The following NLRP4 variants were observed in gnomAD, a reference collection of about 807,000 sequenced individuals.
The protein encoded by NLRP4 is NACHT, LRR and PYD domains-containing protein 4.
In NLRP4, 44 loss-of-function variants were observed where a neutral mutation model predicts 84.7. That is an observed-to-expected ratio of 0.52 (90% confidence interval 0.41 to 0.67). The LOEUF is 0.67. Among genes scored for constraint, NLRP4 ranks in the 30% least tolerant of loss-of-function variants. NLRP4 has a pLI of 0.00. For missense variants in NLRP4, 1,260 were observed against 1,219.4 expected, an observed-to-expected ratio of 1.03 and a Z score of -0.50; for synonymous variants, 544 against 476.4, an observed-to-expected ratio of 1.14 and a Z score of -1.85.
chr19:55,852,559 C>T (rs1984210442), intron 2 of NLRP4, among the ~76,000 whole-genome samples, 199 bp downstream of exon 2: 1 of 151,254 alleles, frequency 6.6e-6, no homozygotes, highest in Admixed American at 6.6e-5. Flanking sequence ...TCACCGCAAC[C>T]TCCACCTCCC....
At chr19:55,859,302 A>T (rs995727835) in intron 3 of NLRP4, 53 bp downstream of exon 3, 18 of 1,473,398 alleles carry the variant, frequency 1.2e-5, no homozygotes, top group Non-Finnish European at 1.6e-5. Flanking sequence ...CTGTATTCCC[A>T]AGTGGGTTTT....
At position 55,870,787 on chromosome 19, in the gene NLRP4, G is replaced by A. The variant is rs764808776; in HGVS notation, c.2355-40G>A. ...TAAGCAAATCTCCCTGAGACACCAC[G>A]TCCCTCTTCACTCTCCTTCTCGTGT... On this transcript the variant is annotated intron_variant, in intron 6 of 9. Transcript: ENST00000301295. The A allele has an allele frequency of 9.3e-6, 14 of 1,501,232 alleles. No homozygotes were observed. The Middle Eastern group carries it at 5.2e-4, about 55-fold the overall frequency. The allele number at this position is 1,501,232 out of a possible 1,614,324, so 93.0% of individuals were successfully genotyped here.
At chr19:55,865,194 T>A (rs1984909980) in intron 5 of NLRP4, among the ~76,000 whole-genome samples, 1 of 152,210 alleles carries the variant, frequency 6.6e-6, no homozygotes, top group African/African-American at 2.4e-5. Flanking sequence ...CATGTCTATA[T>A]GTACTCAGTG....
In NLRP4 at chr19:55,844,001, C is replaced by G. The variant is rs567999515; in HGVS notation, c.-66+7067C>G. On this transcript the variant is annotated intron_variant, in intron 1 of 9. Transcript: ENST00000301295. The stretch of plus-strand genomic sequence containing the variant: ...CTAATTATCTCTGTCAAATCTGATA[C>G]TAACACATTGTATTAGCTTCCTGGG... Among the ~76,000 whole-genome samples, 20 of 152,216 alleles carry G rather than the reference C, an allele frequency of 1.3e-4. No individual in the cohort carries two copies. The East Asian group carries it at 3.5e-3, about 27-fold the overall frequency.
chr19:55,851,632 G>A (rs368956873), intron 1 of NLRP4, among the ~76,000 whole-genome samples: 1 of 105,788 alleles, frequency 9.5e-6, no homozygotes, highest in African/African-American at 2.9e-5. Flanking sequence ...TGTAATGTCC[G>A]AGGCTGCGGT....
In NLRP4 at chr19:55,859,142, C is replaced by A. The variant is rs201393247; in HGVS notation, c.1749C>A (p.Asn583Lys). 2 of 1,613,856 alleles carry A rather than the reference C, an allele frequency of 1.2e-6. No homozygotes were observed. The highest frequency in any genetic ancestry group is 1.7e-6 in the Non-Finnish European group (2 of 1,179,794). The change falls in exon 3 of 10, where the codon AAC becomes AAA. Residue 583 changes from asparagine (N) to lysine (K), a missense_variant. Transcript: ENST00000301295. The part of the protein sequence containing the change: ...LQEANFHIID[N>K]VDLVVSAYCL... Reference sequence around the variant, plus strand: ...AAGCTAACTTTCATATTATTGACAACGTGGACTTGGTGGTTTCTGCCTACT... The same window carrying A: ...AAGCTAACTTTCATATTATTGACAAAGTGGACTTGGTGGTTTCTGCCTACT...
rs1424916059 is a variant in NLRP4, at chr19:55,851,648, G to T, written c.-65-368G>T. 4.7e-3 allele frequency among the ~76,000 whole-genome samples: 513 copies of T among 108,966 alleles called. 1 individual carries two copies. The highest frequency in any genetic ancestry group is 0.023 in the East Asian group (80 of 3,446). 71.5% of individuals were successfully genotyped at this position (108,966 alleles called of 152,430 possible). A position where few individuals can be genotyped will look rare whatever the true frequency, so the allele number is the denominator to read the frequency against. ...GTAATGTCCGAGGCTGCGGTGTAAT[G>T]TCCGAGGCTGCGGTGTAATGTCCGA... is the stretch of plus-strand genomic sequence containing the variant. On this transcript the variant is annotated intron_variant, in intron 1 of 9. Transcript: ENST00000301295.
intron 7 of NLRP4, 50 bp downstream of exon 7, chr19:55,871,047 T>A: frequency 1.3e-6 from 2 of 1,534,616 alleles, no homozygotes; most frequent in Non-Finnish European, 1.8e-6. Flanking sequence ...TTCAAGGGCA[T>A]GCACTGCTGA....
At chr19:55,863,596 C>G (rs1249216915) in intron 5 of NLRP4, among the ~76,000 whole-genome samples, 2 of 152,152 alleles carry the variant, frequency 1.3e-5, no homozygotes, top group East Asian at 1.9e-4. Flanking sequence ...CGTCACCCCC[C>G]AGGCCCCTCC....
chr19:55,858,236 C>A lies in NLRP4; in HGVS notation c.843C>A (p.Pro281=), dbSNP rs75727063. The A allele has an allele frequency of 6.2e-7, 1 of 1,614,126 alleles. No homozygotes were observed. Among genetic ancestry groups the A allele is most frequent in the Non-Finnish European group, 8.5e-7 (1 of 1,180,032 alleles). ...CCTCCCTGCTCATCGCTATCAAACCCGTGTGCCCGAAGGAGCTCCGGGATC... is the reference window on the plus strand; with the variant it reads ...CCTCCCTGCTCATCGCTATCAAACCAGTGTGCCCGAAGGAGCTCCGGGATC... ...PEASLLIAIK[P]VCPKELRDQV... Residue 281 remains proline, a synonymous_variant, in exon 3 of 10, where the codon CCC becomes CCA. Transcript: ENST00000301295. The surrounding 1 kb of genome is among the most constrained non-coding windows in gnomAD (Gnocchi z 4.2).
At chr19:55,861,638 C>T in intron 4 of NLRP4, 91 bp downstream of exon 4, 1 of 1,213,982 alleles carries the variant, frequency 8.2e-7, no homozygotes, top group African/African-American at 1.5e-5. Flanking sequence ...ACTGCACAAG[C>T]AAAGAATTAA....
At chr19:55,880,531 C>G (rs1417189293) in intron 9 of NLRP4, among the ~76,000 whole-genome samples, 1 of 152,156 alleles carries the variant, frequency 6.6e-6, no homozygotes, top group Non-Finnish European at 1.5e-5. Context: ...TATGGCAGAA[C>G]TAAATAAGTG....
intron 1 of NLRP4, among the ~76,000 whole-genome samples, chr19:55,845,254 C>T (rs900472951): frequency 5.4e-4 from 78 of 145,542 alleles, no homozygotes; most frequent in Non-Finnish European, 1.1e-3. Flanking sequence ...TCAATTCCCA[C>T]CTATGAGTGA....
intron 1 of NLRP4, among the ~76,000 whole-genome samples, chr19:55,837,607 A>AAC (rs145535303): frequency 0.013 from 2,039 of 151,580 alleles, 31 homozygotes; most frequent in African/African-American, 0.032. Context: ...CAACCCTAAA[A>AAC]ACACACACAC....
chr19:55,842,966 A>T (rs1017103649), intron 1 of NLRP4, among the ~76,000 whole-genome samples: 3 of 151,026 alleles, frequency 2.0e-5, no homozygotes, highest in Admixed American at 6.6e-5. Context: ...TCACCGTGTT[A>T]GCCAGGATGG....
rs781191359 is a variant in NLRP4 at position 55,842,909 on chromosome 19, G to A, written c.-66+5975G>A. Among the ~76,000 whole-genome samples, 53 of 151,858 alleles carry A rather than the reference G, an allele frequency of 3.5e-4. 2 individuals carry two copies. Among genetic ancestry groups the A allele is most frequent in the Admixed American group, 1.1e-3 (17 of 15,224 alleles). On this transcript the variant is annotated intron_variant, in intron 1 of 9. Transcript: ENST00000301295. ...CCAGTAGCTGAGACTACAGGTGCCC[G>A]CCACCACGCCCGGCTAATTTTTTGT...
rs17857373 is a variant in NLRP4 at position 55,858,542 on chromosome 19, G to C, written c.1149G>C (p.Glu383Asp). Residue 383 changes from glutamate to aspartate, a missense_variant, in exon 3 of 10, where the codon GAG becomes GAC. This residue lies in a region of NLRP4 where 712 missense variants were observed against 669.2 expected (regional missense o/e 1.06). Coordinates refer to ENST00000301295, the MANE Select transcript of NLRP4 (RefSeq NM_134444.5). This position sits in a 1 kb window ranked among gnomAD's most constrained non-coding sequence, Gnocchi z 4.2. ...SSFVFNLFTP[E>D]GAEGPTPQTQ... ...TCGTCTTTAACCTGTTCACACCTGA[G>C]GGTGCCGAGGGCCCGACTCCGCAAA... 84,099 of 1,614,110 alleles carry C rather than the reference G, an allele frequency of 0.052. 2,573 individuals are homozygous for C. The highest frequency in any genetic ancestry group is 0.063 in the Non-Finnish European group (74,074 of 1,180,006).
At chr19:55,845,943 G>T (rs1329864695) in intron 1 of NLRP4, among the ~76,000 whole-genome samples, 4 of 151,510 alleles carry the variant, frequency 2.6e-5, no homozygotes, top group Admixed American at 6.6e-5. Flanking sequence ...AGATGAGTAG[G>T]TTGCGAAAAT....
At chr19:55,869,140 C>A (rs1024136838) in intron 6 of NLRP4, among the ~76,000 whole-genome samples, 1 of 151,954 alleles carries the variant, frequency 6.6e-6, no homozygotes, top group Non-Finnish European at 1.5e-5. Flanking sequence ...GGAAGGGGAA[C>A]CCAGATGGAA....
Sources: gnomAD v4.1 joint callset for allele counts (sites outside exome capture counted in the v4.1 genomes callset) on GRCh38, gnomAD v4.1.1 for gene constraint, gnomAD v4.1.1 regional missense constraint, Gnocchi (gnomAD v3.1) non-coding constraint, MANE v1.5 for transcripts, NCBI Gene and HGNC (gene_info 2026-07-23, HGNC 2026-07-21) for gene names.